Variants in DGKH observed in about 807,000 individuals in gnomAD.
The protein encoded by DGKH is diacylglycerol kinase eta, also known as DAG kinase eta.
DGKH carries 90 observed loss-of-function variants against 159.3 expected under a neutral mutation model. That is an observed-to-expected ratio of 0.57 (90% CI 0.48 to 0.67). The LOEUF (loss-of-function observed/expected upper bound fraction) is 0.67. Ranked by LOEUF, DGKH falls within the 30% of genes least tolerant of loss-of-function variation. The probability of loss-of-function intolerance (pLI) is 0.00; values close to 1 mark genes in which losing one functional copy is unlikely to be tolerated. For synonymous variants in DGKH, 536 were observed against 553.8 expected (o/e 0.97, Z 0.45); for missense variants, 1,181 against 1,506.1 (o/e 0.78, Z 3.57).
chr13:42,221,521 C>T (rs1209856860), intron 29 of DGKH, 127 bp downstream of exon 29: 2 of 1,216,966 alleles, frequency 1.6e-6, no homozygotes, highest in African/African-American at 3.1e-5. Context: ...ACCTAACATT[C>T]ACTGTCCTGT....
intron 16 of DGKH, 52 bp downstream of exon 16, chr13:42,190,577 C>T: frequency 6.5e-7 from 1 of 1,528,590 alleles, no homozygotes; most frequent in South Asian, 1.3e-5. Context: ...TGTCATTTTG[C>T]TTTTAGTTTT....
chr13:42,177,313 A>G (rs1956630427), intron 12 of DGKH, among the ~76,000 whole-genome samples: 1 of 152,106 alleles, frequency 6.6e-6, no homozygotes, highest in African/African-American at 2.4e-5. Context: ...GGATTCTTTC[A>G]CTCAATGTTA....
chr13:42,211,582 C>T (rs965034776), intron 24 of DGKH, among the ~76,000 whole-genome samples: 5 of 152,110 alleles, frequency 3.3e-5, no homozygotes, highest in Non-Finnish European at 5.9e-5. Context: ...CCTGCAGTCC[C>T]AGTTCCTCAG....
intron 30 of DGKH, among the ~76,000 whole-genome samples, chr13:42,253,742 A>G (rs564512292): frequency 3.3e-5 from 5 of 152,330 alleles, no homozygotes; most frequent in African/African-American, 1.2e-4. Context: ...TTAACTTTCT[A>G]GGTTCTTGCC....
rs975575859 is a variant in DGKH at position 42,166,768 on chromosome 13, C to T, written c.1118+94C>T. ...CAGCTCATGAAAATTACAGATTCCT[C>T]TAGATCCCTCCCTCGTTTTTAAAGC... On this transcript the variant is annotated intron_variant, in intron 9 of 29. Transcript: ENST00000337343. The T allele has an allele frequency of 4.5e-6, 5 of 1,108,844 alleles. No individual in the cohort carries two copies. The South Asian group carries it at 1.1e-4, about 24-fold the overall frequency. 68.7% of individuals were successfully genotyped at this position (1,108,844 alleles called of 1,614,324 possible).
Position 42,229,453 on chromosome 13 carries a change from G to A in DGKH, c.*265G>A, listed in dbSNP as rs191011902. 1.1e-4 allele frequency: 38 copies of A among 352,006 alleles called. No individual in the cohort carries two copies. Among genetic ancestry groups the A allele is most frequent in the Non-Finnish European group, 1.8e-4 (35 of 195,498 alleles). 21.8% of individuals were successfully genotyped at this position (352,006 alleles called of 1,614,324 possible). Reference sequence around the variant, plus strand: ...TATTCACAATGGTAATAAGGTAGGAGGAATCTGAGACGATTGCATTGTCTA... The same window carrying A: ...TATTCACAATGGTAATAAGGTAGGAAGAATCTGAGACGATTGCATTGTCTA... On this transcript the variant is annotated 3_prime_UTR_variant, in exon 30 of 30. Coordinates refer to ENST00000337343, the MANE Select transcript of DGKH (RefSeq NM_178009.5).
upstream of DGKH, among the ~76,000 whole-genome samples, chr13:42,047,005 CTCTTT>C (rs1234506586): frequency 1.3e-5 from 2 of 152,110 alleles, no homozygotes; most frequent in Admixed American, 6.5e-5. Context: ...GATTATTTTT[CTCTTT>C]TAAGAATTTC....
intron 1 of DGKH, among the ~76,000 whole-genome samples, chr13:42,057,423 A>T (rs552135021): frequency 6.6e-6 from 1 of 152,292 alleles, no homozygotes; most frequent in Non-Finnish European, 1.5e-5. Context: ...TTTGAGTTGT[A>T]TTGTTCCTCG....
chr13:42,080,459 C>T (rs1954178435), intron 1 of DGKH, among the ~76,000 whole-genome samples: 1 of 152,070 alleles, frequency 6.6e-6, no homozygotes, highest in South Asian at 2.1e-4. Context: ...ATACCTAGGC[C>T]GTATTCTAGT....
At position 42,155,872 on chromosome 13, in the gene DGKH, G is replaced by T. The variant is rs994711443; in HGVS notation, c.622+73G>T. The stretch of plus-strand genomic sequence containing the variant: ...TAGACATGCTGCCACTGGTTTTATT[G>T]TAGCTTAAAATTGAGCTCTCCACAC... On this transcript the variant is annotated intron_variant, in intron 5 of 29. Transcript: ENST00000337343. 20 of 1,572,248 alleles carry T rather than the reference G, an allele frequency of 1.3e-5. No homozygotes were observed. In the African/African-American group the frequency reaches 2.0e-4, roughly 16 times the overall value.
intron 29 of DGKH, among the ~76,000 whole-genome samples, chr13:42,222,822 A>T (rs1594237545): frequency 6.6e-6 from 1 of 152,220 alleles, no homozygotes; most frequent in East Asian, 1.9e-4. Context: ...ATATATGTGT[A>T]CGTGTTATAT....
intron 3 of DGKH, among the ~76,000 whole-genome samples, chr13:42,145,573 A>G (rs1374642905): frequency 6.6e-6 from 1 of 152,104 alleles, no homozygotes; most frequent in Non-Finnish European, 1.5e-5. Flanking sequence ...AGAAACTATT[A>G]AAGAGAGCTG....
intron 1 of DGKH, among the ~76,000 whole-genome samples, chr13:42,051,637 C>G (rs1192291971): frequency 7.1e-6 from 1 of 140,558 alleles, no homozygotes; most frequent in African/African-American, 2.6e-5. Context: ...AAGATTAGCT[C>G]AAAGCCATCT....
intron 29 of DGKH, among the ~76,000 whole-genome samples, chr13:42,250,016 G>T (rs1398788736): frequency 2.7e-5 from 4 of 150,672 alleles, no homozygotes; most frequent in African/African-American, 9.8e-5. Context: ...TGTTGCCCAG[G>T]CTGGAGTGCA....
chr13:42,168,598 T>C (rs368550424), intron 10 of DGKH, 50 bp downstream of exon 10: 2 of 1,613,384 alleles, frequency 1.2e-6, no homozygotes, highest in Non-Finnish European at 1.7e-6. Flanking sequence ...CATACTAACA[T>C]ACTTACCAGA....
At chr13:42,228,565 G>A (rs1445115111) in intron 29 of DGKH, among the ~76,000 whole-genome samples, 3 of 151,428 alleles carry the variant, frequency 2.0e-5, no homozygotes, top group Admixed American at 6.6e-5. Flanking sequence ...CTGCTGTCCC[G>A]CATCATTTTT....
chr13:42,066,245 T>C (rs1438176123), intron 1 of DGKH: 2 of 152,248 alleles, frequency 1.3e-5, no homozygotes, highest in Non-Finnish European at 1.5e-5. Context: ...GTAGCAGCGT[T>C]ATTCATAGGA....
chr13:42,220,367 C>CT (rs1216590895), intron 28 of DGKH, among the ~76,000 whole-genome samples: 1 of 152,202 alleles, frequency 6.6e-6, no homozygotes, highest in Non-Finnish European at 1.5e-5. Context: ...ATTAAGCCCC[C>CT]TCTTCGCTGC....
intron 1 of DGKH, among the ~76,000 whole-genome samples, chr13:42,121,545 A>G (rs373422181): frequency 6.6e-6 from 1 of 152,358 alleles, no homozygotes; most frequent in East Asian, 1.9e-4. Context: ...CCGGACTCCA[A>G]GGAGTTTATA....
Sources: gnomAD v4.1 joint callset for allele counts (sites outside exome capture counted in the v4.1 genomes callset) on GRCh38, gnomAD v4.1.1 for gene constraint, MANE v1.5 for transcripts, NCBI Gene and HGNC (gene_info 2026-07-23, HGNC 2026-07-21) for gene names.